Variants in AKAP8 observed in about 807,000 individuals in gnomAD.
AKAP8 encodes A-kinase anchor protein 8.
AKAP8 carries 24 observed loss-of-function variants against 67.5 expected under a neutral mutation model. The observed-to-expected ratio is 0.36, with a 90% CI of 0.26 to 0.50. The LOEUF (loss-of-function observed/expected upper bound fraction) is 0.50, where lower values mean the gene tolerates loss of function less well. Ranked by LOEUF, AKAP8 falls within the 20% of genes least tolerant of loss-of-function variation. The pLI, the probability that AKAP8 is intolerant of heterozygous loss-of-function variation, is 0.97. For synonymous variants in AKAP8, 400 were observed against 371.1 expected (o/e 1.08, Z -0.90); for missense variants, 971 against 955.9 (o/e 1.02, Z -0.21).
intron 9 of AKAP8, among the ~76,000 whole-genome samples, chr19:15,364,784 C>T (rs978162793): frequency 2.6e-5 from 4 of 152,062 alleles, no homozygotes; most frequent in Non-Finnish European, 4.4e-5. Context: ...GCCACCGCAC[C>T]CAGACTTTTC....
At chr19:15,378,601 C>G (rs144284090) in intron 1 of AKAP8, among the ~76,000 whole-genome samples, 1 of 152,220 alleles carries the variant, frequency 6.6e-6, no homozygotes, top group Non-Finnish European at 1.5e-5. Flanking sequence ...GACACCAAAG[C>G]ACACCGCGCA....
intron 13 of AKAP8, 65 bp downstream of exon 13, chr19:15,358,902 C>T (rs911024775): frequency 1.6e-5 from 24 of 1,465,468 alleles, no homozygotes; most frequent in Middle Eastern, 1.7e-4. Context: ...ATTCAACTCC[C>T]TGCTCCTGGG....
intron 9 of AKAP8, among the ~76,000 whole-genome samples, chr19:15,364,108 CAA>C (rs71176406): frequency 2.1e-4 from 11 of 52,344 alleles, no homozygotes; most frequent in African/African-American, 2.5e-4. Flanking sequence ...TGGCAGTGGG[CAA>C]AAAAAAAAAA....
At chr19:15,370,966 G>A (rs1453727653) in intron 7 of AKAP8, among the ~76,000 whole-genome samples, 3 of 152,148 alleles carry the variant, frequency 2.0e-5, no homozygotes, top group African/African-American at 7.2e-5. Context: ...ATCACGTATA[G>A]ATAAAAACGA....
At chr19:15,379,542 G>A in intron 1 of AKAP8, 171 bp downstream of exon 1, 2 of 633,522 alleles carry the variant, frequency 3.2e-6, no homozygotes, top group South Asian at 2.7e-5. Flanking sequence ...CGGGAGCGAC[G>A]GCGCCAAAGC....
intron 13 of AKAP8, among the ~76,000 whole-genome samples, chr19:15,357,426 C>A (rs1966898454): frequency 2.3e-5 from 1 of 43,478 alleles, no homozygotes; most frequent in South Asian, 1.2e-3. Context: ...AAGACTCCAT[C>A]TCAAAAAAAA....
At chr19:15,355,418 G>A (rs370821966) in intron 13 of AKAP8, 48 bp from the exon 14 acceptor site, 329 of 1,537,874 alleles carry the variant, frequency 2.1e-4, no homozygotes, top group Non-Finnish European at 2.6e-4. Flanking sequence ...CAGAGCTCAG[G>A]AGGCCCATGA....
In AKAP8 at chr19:15,354,829, C is replaced by G; in HGVS notation, c.*86G>C. 1 of 1,471,344 alleles carries G rather than the reference C, an allele frequency of 6.8e-7. No homozygotes were observed. Among genetic ancestry groups the G allele is most frequent in the African/African-American group, 1.4e-5 (1 of 72,104 alleles). The allele number at this position is 1,471,344 out of a possible 1,614,324, so 91.1% of individuals were successfully genotyped here. A position where few individuals can be genotyped will look rare whatever the true frequency, so the allele number is the denominator to read the frequency against. ...TAGATTACAGCATATTCTGGGAGCACACGCCCTTGTACTGCTTACAAACCA... is the reference window on the plus strand; with the variant it reads ...TAGATTACAGCATATTCTGGGAGCAGACGCCCTTGTACTGCTTACAAACCA... On this transcript the variant is annotated 3_prime_UTR_variant, in exon 14 of 14. Transcript: ENST00000269701.
intron 1 of AKAP8, among the ~76,000 whole-genome samples, chr19:15,378,652 G>A (rs1191325939): frequency 1.3e-5 from 2 of 152,124 alleles, no homozygotes. Context: ...TGCAATTTCT[G>A]GTGCTGGGAT....
chr19:15,372,725 T>C, intron 5 of AKAP8, 126 bp downstream of exon 5: 2 of 1,303,556 alleles, frequency 1.5e-6, no homozygotes, highest in Non-Finnish European at 2.0e-6. Context: ...ATCCTGTAAA[T>C]TAACTAAAAG....
In AKAP8 at chr19:15,359,048, C is replaced by A. The variant is rs531108041; in HGVS notation, c.1542G>T (p.Gln514His). The A allele has an allele frequency of 2.5e-6, 4 of 1,614,218 alleles. No individual in the cohort carries two copies. The highest frequency in any genetic ancestry group is 3.4e-6 in the Non-Finnish European group (4 of 1,180,042). The change falls in exon 13 of 14, where the codon CAG becomes CAT. Residue 514 changes from glutamine (Q) to histidine (H), a missense_variant. By Grantham distance (24) the Gln-to-His change is conservative. Transcript: ENST00000269701. Reference sequence around the variant, plus strand: ...CCACATGGAGACTGGTTTTCTTGAACTGTTCAGCAGCCAACTGCAAAGGGA... The same window carrying A: ...CCACATGGAGACTGGTTTTCTTGAAATGTTCAGCAGCCAACTGCAAAGGGA... ...HNHNRRLAAE[Q>H]FKKTSLHVAK...
At chr19:15,360,135 AAAAAAAAC>A (rs763368307) in intron 12 of AKAP8, among the ~76,000 whole-genome samples, 4 of 152,080 alleles carry the variant, frequency 2.6e-5, no homozygotes, top group Non-Finnish European at 5.9e-5. Context: ...AACTCCGTAA[AAAAAAAAC>A]AAAAAAACAA....
intron 2 of AKAP8, 30 bp downstream of exon 2, chr19:15,376,946 C>G: frequency 6.2e-7 from 1 of 1,605,582 alleles, no homozygotes; most frequent in Non-Finnish European, 8.5e-7. Context: ...GGGAAGCCCA[C>G]GCCTCACCCG....
At chr19:15,374,543 T>C in intron 3 of AKAP8, 60 bp downstream of exon 3, 1 of 1,587,178 alleles carries the variant, frequency 6.3e-7, no homozygotes, top group South Asian at 1.1e-5. Flanking sequence ...CTGACCCGCC[T>C]GGCCTTCAGA....
intron 1 of AKAP8, among the ~76,000 whole-genome samples, chr19:15,378,666 T>TAAA (rs1967303431): frequency 6.6e-6 from 1 of 152,106 alleles, no homozygotes; most frequent in Non-Finnish European, 1.5e-5. Context: ...CTGGGATACT[T>TAAA]TTGCCCTGCC....
Position 15,379,731 on chromosome 19 carries a change from T to TG in AKAP8, c.-1dup. ...CACAAACCTCCGTAGCCCTGGTCCA[T>TG]GTCTTCGACGCGGCCCACCAGCAGC... On this transcript the variant is annotated 5_prime_UTR_variant, in exon 1 of 14. Transcript: ENST00000269701. The TG allele has an allele frequency of 1.9e-6, 3 of 1,611,858 alleles. No homozygotes were observed. The highest frequency in any genetic ancestry group is 2.5e-6 in the Non-Finnish European group (3 of 1,179,172).
rs1001749983 is a variant in AKAP8, at chr19:15,353,520, A to G, written c.*1395T>C. ...TGAGCAGAAATGACCCAGAGGCACC[A>G]TCGTCTTTTCAAGCAGTTTATTTCC... On this transcript the variant is annotated 3_prime_UTR_variant, in exon 14 of 14. Coordinates refer to ENST00000269701, the MANE Select transcript of AKAP8 (RefSeq NM_005858.4). The G allele has an allele frequency of 2.0e-5, 3 of 151,934 alleles. No homozygotes were observed. Among genetic ancestry groups the G allele is most frequent in the Non-Finnish European group, 4.4e-5 (3 of 67,976 alleles). 9.4% of individuals were successfully genotyped at this position (151,934 alleles called of 1,614,324 possible).
At chr19:15,368,526 C>A in intron 8 of AKAP8, 1 of 985,294 alleles carries the variant, frequency 1.0e-6, no homozygotes. Flanking sequence ...GGAGTAGTCA[C>A]CAAACTCCCC....
At chr19:15,355,934 C>A (rs2048275355) in intron 13 of AKAP8, among the ~76,000 whole-genome samples, 1 of 151,902 alleles carries the variant, frequency 6.6e-6, no homozygotes, top group African/African-American at 2.4e-5. Context: ...CGGGGTTTCA[C>A]CATGTTGGGC....
Sources: allele counts gnomAD v4.1 joint callset (sites outside exome capture counted in the v4.1 genomes callset), GRCh38; gene constraint gnomAD v4.1.1; transcripts MANE v1.5; gene names NCBI Gene and HGNC (gene_info 2026-07-23, HGNC 2026-07-21).